Variants in ADGRB3 observed in about 807,000 individuals in gnomAD.
The protein encoded by ADGRB3 is adhesion G protein-coupled receptor B3.
ADGRB3 carries 37 observed loss-of-function variants against 193.4 expected under a neutral mutation model. The observed-to-expected ratio is 0.19, with a 90% CI of 0.15 to 0.25. The LOEUF (loss-of-function observed/expected upper bound fraction) is 0.25. Among genes scored for constraint, ADGRB3 ranks in the 10% least tolerant of loss-of-function variants. ADGRB3 has a pLI of 1.00. For synonymous variants in ADGRB3, 690 were observed against 644.2 expected (o/e 1.07, Z -1.08); for missense variants, 1,637 against 1,852.9 (o/e 0.88, Z 2.14).
At chr6:69,337,172 G>A (rs540723815) in intron 24 of ADGRB3, among the ~76,000 whole-genome samples, 2 of 152,094 alleles carry the variant, frequency 1.3e-5, no homozygotes, top group Non-Finnish European at 2.9e-5. Context: ...TTTGGCTTTC[G>A]ATCTTGTTTC....
intron 17 of ADGRB3, among the ~76,000 whole-genome samples, chr6:69,158,683 A>G (rs534954555): frequency 7.2e-5 from 11 of 152,254 alleles, no homozygotes; most frequent in Admixed American, 4.6e-4. Context: ...AAGTCTTTCA[A>G]CATTATTACT....
intron 3 of ADGRB3, among the ~76,000 whole-genome samples, chr6:68,814,705 A>G (rs916840715): frequency 6.6e-6 from 1 of 152,288 alleles, no homozygotes; most frequent in East Asian, 1.9e-4. Context: ...TTAGACCAAT[A>G]TCCCTGATGA....
Position 69,048,309 on chromosome 6 carries a change from C to T in ADGRB3, c.2232C>T (p.Ser744=). The part of the protein sequence containing the change: ...NSEDRVVIPK[S]IFTPVSSKEL... ...AAGATAGGGTAGTAATTCCAAAAAG[C>T]ATTTTCACTCCGGTGTCATCAAAAG... Residue 744 remains serine (S), a synonymous_variant, in exon 14 of 32, where the codon AGC becomes AGT. Transcript: ENST00000370598. 4 of 1,613,414 alleles carry T rather than the reference C, an allele frequency of 2.5e-6. No homozygotes were observed. The highest frequency in any genetic ancestry group is 1.3e-5 in the African/African-American group (1 of 74,984).
At chr6:69,207,793 A>G (rs773542655) in intron 17 of ADGRB3, among the ~76,000 whole-genome samples, 1 of 152,174 alleles carries the variant, frequency 6.6e-6, no homozygotes. Context: ...TTTTTTAGCC[A>G]TGAAGTGAGT....
At chr6:68,966,355 A>T (rs903587195) in intron 8 of ADGRB3, among the ~76,000 whole-genome samples, 1 of 152,174 alleles carries the variant, frequency 6.6e-6, no homozygotes, top group African/African-American at 2.4e-5. Context: ...AAACATTGTC[A>T]TAAATTTCCC....
intron 3 of ADGRB3, among the ~76,000 whole-genome samples, chr6:68,773,287 G>T (rs183992855): frequency 5.3e-5 from 8 of 152,074 alleles, no homozygotes; most frequent in African/African-American, 1.9e-4. Context: ...CACAAATCCA[G>T]CTCTTCTCAC....
intron 3 of ADGRB3, among the ~76,000 whole-genome samples, chr6:68,929,357 C>T (rs540650639): frequency 2.6e-5 from 4 of 152,264 alleles, no homozygotes; most frequent in East Asian, 1.9e-4. Context: ...ATTTCTGACA[C>T]ATCAGTCAGG....
At chr6:69,330,213 A>T (rs1768684917) in intron 22 of ADGRB3, among the ~76,000 whole-genome samples, 1 of 152,232 alleles carries the variant, frequency 6.6e-6, no homozygotes. Context: ...TTGTAATGAC[A>T]GTAAATATAG....
At chr6:68,974,720 T>G (rs749794093) in intron 8 of ADGRB3, 43 bp from the exon 9 acceptor site, 1 of 1,568,062 alleles carries the variant, frequency 6.4e-7, no homozygotes, top group East Asian at 2.3e-5. Context: ...CCAAAATTTT[T>G]TAAACACTAC....
intron 17 of ADGRB3, among the ~76,000 whole-genome samples, chr6:69,214,127 A>G (rs1765724382): frequency 6.6e-6 from 1 of 152,228 alleles, no homozygotes; most frequent in African/African-American, 2.4e-5. Flanking sequence ...GGAGAAGAAT[A>G]TCCCATGCAG....
At chr6:69,069,820 T>A (rs1772026482) in intron 16 of ADGRB3, among the ~76,000 whole-genome samples, 1 of 151,178 alleles carries the variant, frequency 6.6e-6, no homozygotes, top group African/African-American at 2.4e-5. Flanking sequence ...GTTAGGCAAA[T>A]TGGAAATATT....
At chr6:68,863,878 T>C (rs1765222513) in intron 3 of ADGRB3, among the ~76,000 whole-genome samples, 1 of 152,096 alleles carries the variant, frequency 6.6e-6, no homozygotes, top group South Asian at 2.1e-4. Flanking sequence ...ATCCCGGGGA[T>C]ATTTGTGGGA....
intron 26 of ADGRB3, among the ~76,000 whole-genome samples, chr6:69,353,920 G>A (rs544173176): frequency 7.2e-5 from 11 of 152,092 alleles, no homozygotes; most frequent in Admixed American, 3.3e-4. Context: ...AATATTAGTC[G>A]GGCGTGGTGG....
At chr6:68,929,305 A>G (rs1051676378) in intron 3 of ADGRB3, among the ~76,000 whole-genome samples, 5 of 152,156 alleles carry the variant, frequency 3.3e-5, no homozygotes, top group African/African-American at 1.2e-4. Flanking sequence ...GATTTCTCAG[A>G]TTTCTCAGAG....
intron 20 of ADGRB3, among the ~76,000 whole-genome samples, chr6:69,279,862 A>G (rs1767396316): frequency 6.6e-6 from 1 of 152,092 alleles, no homozygotes; most frequent in Non-Finnish European, 1.5e-5. Context: ...TCATCTTTTT[A>G]TACTAGGTAG....
chr6:69,354,475 A>G (rs1769294951), intron 27 of ADGRB3, 147 bp downstream of exon 27: 1 of 671,278 alleles, frequency 1.5e-6, no homozygotes, highest in Non-Finnish European at 2.6e-6. Context: ...CTGGTACCAC[A>G]GAAGTATTAT....
chr6:69,220,238 C>A (rs779469), intron 17 of ADGRB3, among the ~76,000 whole-genome samples: 76,409 of 151,826 alleles, frequency 0.5, 21,002 homozygotes, highest in African/African-American at 0.72. Flanking sequence ...GAAGAGGTTT[C>A]GTACCTTTGG....
chr6:69,211,745 T>C (rs369010690), intron 17 of ADGRB3, among the ~76,000 whole-genome samples: 2 of 152,236 alleles, frequency 1.3e-5, no homozygotes, highest in East Asian at 1.9e-4. Context: ...TGACTTGGAA[T>C]ATTATTTGTT....
chr6:69,122,123 G>A (rs570677982), intron 17 of ADGRB3, among the ~76,000 whole-genome samples: 6 of 152,070 alleles, frequency 3.9e-5, no homozygotes, highest in African/African-American at 7.2e-5. Context: ...ATGTTGTGGC[G>A]AGCCGAGATC....
Sources: gnomAD v4.1 joint callset for allele counts (sites outside exome capture counted in the v4.1 genomes callset) on GRCh38, gnomAD v4.1.1 for gene constraint, MANE v1.5 for transcripts, NCBI Gene and HGNC (gene_info 2026-07-23, HGNC 2026-07-21) for gene names.